ANGPT2: variants seen among roughly 807,000 people sequenced by gnomAD.
ANGPT2 encodes angiopoietin 2, also known as angiopoietin-2.
ANGPT2 carries 28 observed loss-of-function variants against 62.9 expected under a neutral mutation model. That is an observed-to-expected ratio of 0.44 (90% CI 0.33 to 0.61). The LOEUF is 0.61. Among genes scored for constraint, ANGPT2 ranks in the 20% least tolerant of loss-of-function variants. The pLI, the probability that ANGPT2 is intolerant of heterozygous loss-of-function variation, is 0.03. For synonymous variants in ANGPT2, 284 were observed against 207.8 expected (o/e 1.37, Z -3.15); for missense variants, 727 against 594.9 (o/e 1.22, Z -2.31).
At chr8:6,558,429 A>G (rs575866449) in intron 1 of ANGPT2, among the ~76,000 whole-genome samples, 3 of 152,218 alleles carry the variant, frequency 2.0e-5, no homozygotes, top group South Asian at 2.1e-4. Flanking sequence ...TTCAATTTTA[A>G]ATGTACAAAA....
At chr8:6,525,226 C>T (rs1339041978) in intron 3 of ANGPT2, among the ~76,000 whole-genome samples, 1 of 152,140 alleles carries the variant, frequency 6.6e-6, no homozygotes, top group African/African-American at 2.4e-5. Flanking sequence ...AATTGTAGCT[C>T]TTAAATGTAT....
intron 1 of ANGPT2, 144 bp from the exon 2 acceptor site, chr8:6,532,631 C>A (rs1271673732): frequency 1.2e-5 from 8 of 666,910 alleles, no homozygotes; most frequent in Admixed American, 3.9e-5. Context: ...CTTTTGGAAT[C>A]TTACTATTTT....
chr8:6,562,516 A>AC, intron 1 of ANGPT2, 131 bp downstream of exon 1: 1 of 779,168 alleles, frequency 1.3e-6, no homozygotes, highest in Non-Finnish European at 1.8e-6. Context: ...GGTACCAGCA[A>AC]CCCGCTCTCC....
At chr8:6,529,081 A>T (rs1359757826) in intron 2 of ANGPT2, among the ~76,000 whole-genome samples, 4 of 152,182 alleles carry the variant, frequency 2.6e-5, no homozygotes, top group African/African-American at 9.7e-5. Flanking sequence ...TTCCGTGTGG[A>T]GGCAGGGAAG....
chr8:6,523,229 C>G (rs1817701061), intron 3 of ANGPT2, among the ~76,000 whole-genome samples: 1 of 152,120 alleles, frequency 6.6e-6, no homozygotes, highest in Admixed American at 6.5e-5. Flanking sequence ...GATCTCCTGA[C>G]CTCGTGATCC....
chr8:6,515,881 G>C (rs935150133), intron 5 of ANGPT2, among the ~76,000 whole-genome samples: 1 of 152,210 alleles, frequency 6.6e-6, no homozygotes, highest in Admixed American at 6.5e-5. Flanking sequence ...AGAGCGAAAA[G>C]AGAACCAAGA....
chr8:6,523,004 T>G (rs1302227402), intron 3 of ANGPT2, among the ~76,000 whole-genome samples: 2 of 152,080 alleles, frequency 1.3e-5, no homozygotes, highest in Non-Finnish European at 2.9e-5. Context: ...AAGTTTTTTT[T>G]TTTCTTTTTT....
chr8:6,560,696 T>C (rs1825398105), intron 1 of ANGPT2, among the ~76,000 whole-genome samples: 1 of 152,212 alleles, frequency 6.6e-6, no homozygotes, highest in South Asian at 2.1e-4. Flanking sequence ...AAATATTGAC[T>C]AAGTGAACCT....
chr8:6,550,706 C>G (rs945327167), intron 1 of ANGPT2, among the ~76,000 whole-genome samples: 1 of 152,146 alleles, frequency 6.6e-6, no homozygotes, highest in Admixed American at 6.5e-5. Context: ...TTGTAAGAGG[C>G]TCTGAAAGGA....
Position 6,514,909 on chromosome 8 carries a change from G to A in ANGPT2, c.928-131C>T, listed in dbSNP as rs980517201. The A allele has an allele frequency of 3.0e-5, 20 of 673,562 alleles. No individual in the cohort carries two copies. The East Asian group carries it at 5.1e-4, about 17-fold the overall frequency. 41.7% of individuals were successfully genotyped at this position (673,562 alleles called of 1,614,324 possible). ...GGTTCTCTGGGATATAAGGCACGGA[G>A]TAGACCATCGGGGTTGTCTAAGAAA... On this transcript the variant is annotated intron_variant, in intron 5 of 8. Coordinates refer to ENST00000629816, the MANE Select transcript of ANGPT2 (RefSeq NM_001118887.2).
At chr8:6,514,130 G>C (rs904459557) in intron 6 of ANGPT2, among the ~76,000 whole-genome samples, 2 of 152,194 alleles carry the variant, frequency 1.3e-5, no homozygotes, top group African/African-American at 4.8e-5. Context: ...GGAATGTGAA[G>C]CACCATTAAA....
intron 8 of ANGPT2, among the ~76,000 whole-genome samples, chr8:6,507,398 CA>C (rs1372332632): frequency 2.6e-5 from 4 of 152,100 alleles, no homozygotes; most frequent in African/African-American, 9.7e-5. Flanking sequence ...TCTTTACATT[CA>C]TTTTGCACTA....
intron 1 of ANGPT2, among the ~76,000 whole-genome samples, chr8:6,551,070 A>G (rs1469669345): frequency 6.6e-6 from 1 of 152,206 alleles, no homozygotes; most frequent in African/African-American, 2.4e-5. Flanking sequence ...TAAGTGTGCT[A>G]GGTAAGGGAT....
intron 7 of ANGPT2, among the ~76,000 whole-genome samples, chr8:6,511,749 C>G (rs865782260): frequency 4.6e-5 from 7 of 152,070 alleles, no homozygotes; most frequent in Admixed American, 2.6e-4. Flanking sequence ...TCTAAATGGC[C>G]TATCCAAAAA....
At chr8:6,534,264 C>G (rs12115093) in intron 1 of ANGPT2, among the ~76,000 whole-genome samples, 178 of 152,142 alleles carry the variant, frequency 1.2e-3, no homozygotes, top group African/African-American at 4.1e-3. Flanking sequence ...TACAGTATAG[C>G]AACTATTTAC....
At chr8:6,504,797 C>G (rs1812949021) in intron 8 of ANGPT2, among the ~76,000 whole-genome samples, 2 of 152,062 alleles carry the variant, frequency 1.3e-5, no homozygotes, top group African/African-American at 4.8e-5. Flanking sequence ...AGTTTACAAA[C>G]TAAACTTTGT....
intron 4 of ANGPT2, 136 bp from the exon 5 acceptor site, chr8:6,520,127 A>C (rs1009478658): frequency 5.2e-6 from 5 of 961,832 alleles, no homozygotes; most frequent in Non-Finnish European, 5.9e-6. Flanking sequence ...CCACTTTTTT[A>C]ACCTTTCTAG....
At chr8:6,553,045 T>C (rs1196551695) in intron 1 of ANGPT2, among the ~76,000 whole-genome samples, 1 of 152,150 alleles carries the variant, frequency 6.6e-6, no homozygotes, top group Non-Finnish European at 1.5e-5. Flanking sequence ...CATGGCTTCA[T>C]ACATTGGTCC....
At chr8:6,551,668 A>T (rs1246822975) in intron 1 of ANGPT2, among the ~76,000 whole-genome samples, 1 of 152,196 alleles carries the variant, frequency 6.6e-6, no homozygotes, top group Non-Finnish European at 1.5e-5. Flanking sequence ...GTCATTAACA[A>T]TTTTTTATAT....
Sources: gnomAD v4.1 joint callset for allele counts (sites outside exome capture counted in the v4.1 genomes callset) on GRCh38, gnomAD v4.1.1 for gene constraint, MANE v1.5 for transcripts, NCBI Gene and HGNC (gene_info 2026-07-23, HGNC 2026-07-21) for gene names.